ZBTB43: variants seen among roughly 807,000 people sequenced by gnomAD.
ZBTB43 encodes the protein zinc finger and BTB domain-containing protein 43.
ZBTB43 carries 6 observed loss-of-function variants against 31.1 expected under a neutral mutation model. The observed-to-expected ratio is 0.19, with a 90% CI of 0.11 to 0.38. The LOEUF (loss-of-function observed/expected upper bound fraction) is 0.38, where lower values mean the gene tolerates loss of function less well. Ranked by LOEUF, ZBTB43 falls within the 10% of genes least tolerant of loss-of-function variation. The pLI is 1.00. For synonymous variants in ZBTB43, 212 were observed against 221.7 expected (o/e 0.96, Z 0.39); for missense variants, 379 against 602.1 (o/e 0.63, Z 3.88).
At chr9:126,804,448 G>A (rs2032077822), upstream of ZBTB43, among the ~76,000 whole-genome samples, 1 of 152,058 alleles carries the variant, frequency 6.6e-6, no homozygotes, top group Admixed American at 6.5e-5. Flanking sequence ...TTTGTTTAGA[G>A]AAGAGACGGA....
At chr9:126,820,884 C>T (rs530361785) in intron 2 of ZBTB43, among the ~76,000 whole-genome samples, 175 of 145,406 alleles carry the variant, frequency 1.2e-3, no homozygotes, top group African/African-American at 4.3e-3. Flanking sequence ...GGGAGGATCA[C>T]GTGAGCCAGA....
At chr9:126,821,198 G>A (rs1303038690) in intron 2 of ZBTB43, among the ~76,000 whole-genome samples, 2 of 151,860 alleles carry the variant, frequency 1.3e-5, no homozygotes, top group African/African-American at 4.8e-5. Flanking sequence ...GTAAAACCCT[G>A]TCTCTACTAA....
intron 1 of ZBTB43, among the ~76,000 whole-genome samples, chr9:126,807,272 TTTAGAC>T (rs888791788): frequency 2.6e-5 from 4 of 152,252 alleles, no homozygotes; most frequent in Non-Finnish European, 5.9e-5. Context: ...TGAAAACACT[TTTAGAC>T]TTAGACACTA....
chr9:126,817,024 C>T (rs79568264), intron 2 of ZBTB43, among the ~76,000 whole-genome samples: 2,121 of 151,868 alleles, frequency 0.014, 53 homozygotes, highest in African/African-American at 0.049. Context: ...TTACTGATCC[C>T]GTCAGAATTG....
At position 126,837,060 on chromosome 9, in the gene ZBTB43, C is replaced by T. The variant is rs2032895022; in HGVS notation, c.*3147C>T. Reference sequence around the variant, plus strand: ...CGGAGGTTGCAGTGAGCCGCGATTGCACCACCACACTCCAGCCTGCGCGAC... The same window carrying T: ...CGGAGGTTGCAGTGAGCCGCGATTGTACCACCACACTCCAGCCTGCGCGAC... On this transcript the variant is annotated 3_prime_UTR_variant, in exon 3 of 3. Coordinates refer to ENST00000373464, the MANE Select transcript of ZBTB43 (RefSeq NM_014007.4). 6.3e-6 allele frequency: 1 copy of T among 159,548 alleles called. No homozygotes were observed. The allele number at this position is 159,548 out of a possible 1,614,324, so 9.9% of individuals were successfully genotyped here.
At chr9:126,828,645 A>ATTATTATTATT (rs1564206207) in intron 2 of ZBTB43, among the ~76,000 whole-genome samples, 339 of 131,472 alleles carry the variant, frequency 2.6e-3, no homozygotes, top group African/African-American at 0.011. Flanking sequence ...TAATAATAAT[A>ATTATTATTATT]ATAATAATAA....
chr9:126,814,560 G>A (rs185241474), intron 2 of ZBTB43, among the ~76,000 whole-genome samples: 4 of 152,068 alleles, frequency 2.6e-5, no homozygotes, highest in Admixed American at 2.0e-4. Context: ...TTGGGAGGCC[G>A]AGGTGGGCAG....
At chr9:126,805,380 G>A (rs1004823661) in intron 1 of ZBTB43, among the ~76,000 whole-genome samples, 1 of 152,228 alleles carries the variant, frequency 6.6e-6, no homozygotes, top group African/African-American at 2.4e-5. Context: ...TCTCGCCCAA[G>A]GTCACCCTCG....
rs1564202350 is a variant in ZBTB43 at position 126,818,296 on chromosome 9, A to AT, written c.-24+9381_-24+9382insT. On this transcript the variant is annotated intron_variant, in intron 2 of 2. Transcript: ENST00000373464. ...CACCACTATTCCTGGCTAATTAAAA[A>AT]ATATATATATATATATATTTAGAAA... Among the ~76,000 whole-genome samples, 9 of 146,918 alleles carry AT rather than the reference A, an allele frequency of 6.1e-5. No homozygotes were observed. The South Asian group carries it at 8.6e-4, about 14-fold the overall frequency.
intron 2 of ZBTB43, among the ~76,000 whole-genome samples, chr9:126,816,045 C>T (rs982553876): frequency 6.6e-5 from 10 of 152,010 alleles, no homozygotes; most frequent in Admixed American, 5.9e-4. Flanking sequence ...TTAATTTGTC[C>T]CCACTACTGA....
intron 1 of ZBTB43, among the ~76,000 whole-genome samples, chr9:126,806,604 ATTACTTAAAATTGT>A (rs2032132180): frequency 1.3e-5 from 2 of 152,232 alleles, no homozygotes; most frequent in Non-Finnish European, 2.9e-5. Context: ...GACTCTTAAA[ATTACTTAAAATTGT>A]TAAGTCTTAA....
At position 126,833,551 on chromosome 9, in the gene ZBTB43, A is replaced by G; in HGVS notation, c.1042A>G (p.Ser348Gly). Residue 348 changes from serine (S) to glycine (G), a missense_variant, in exon 3 of 3, where the codon AGT becomes GGT. Physicochemically the swap from Ser to Gly is moderately conservative, Grantham distance 56 (BLOSUM62 0). This residue lies in a region of ZBTB43 where 253 missense variants were observed against 322.3 expected (regional missense o/e 0.79). Coordinates refer to ENST00000373464, the MANE Select transcript of ZBTB43 (RefSeq NM_014007.4). The surrounding 1 kb of genome is among the most constrained non-coding windows in gnomAD (Gnocchi z 7.9). Reference sequence around the variant, plus strand: ...GGAGGCTGCCCTCGCAGCAGGTTACAGTGAGAATATTGAAATGGTAACAGG... The same window carrying G: ...GGAGGCTGCCCTCGCAGCAGGTTACGGTGAGAATATTGAAATGGTAACAGG... ...RQEAALAAGY[S>G]ENIEMVTGIK... is the part of the protein sequence containing the mutation. 1 of 1,614,156 alleles carries G rather than the reference A, an allele frequency of 6.2e-7. No homozygotes were observed. Among genetic ancestry groups the G allele is most frequent in the Non-Finnish European group, 8.5e-7 (1 of 1,179,992 alleles).
At chr9:126,829,223 G>A (rs1451039822) in intron 2 of ZBTB43, among the ~76,000 whole-genome samples, 2 of 152,182 alleles carry the variant, frequency 1.3e-5, no homozygotes, top group Non-Finnish European at 2.9e-5. Flanking sequence ...GGCTGAGGCA[G>A]AAGGATTGCT....
intron 2 of ZBTB43, among the ~76,000 whole-genome samples, chr9:126,811,079 G>C (rs1180074063): frequency 2.6e-5 from 4 of 151,562 alleles, no homozygotes; most frequent in Non-Finnish European, 4.4e-5. Context: ...AAAATTAGCT[G>C]GGCGTGGTGT....
intron 2 of ZBTB43, among the ~76,000 whole-genome samples, chr9:126,818,940 GTTC>G (rs1248935197): frequency 2.0e-5 from 3 of 152,192 alleles, no homozygotes; most frequent in Non-Finnish European, 4.4e-5. Context: ...ATTGGTGTCA[GTTC>G]TTCTTTAAAT....
chr9:126,828,044 C>T (rs1019479824), intron 2 of ZBTB43, among the ~76,000 whole-genome samples: 1 of 151,992 alleles, frequency 6.6e-6, no homozygotes, highest in African/African-American at 2.4e-5. Context: ...CACAAAGATA[C>T]TTGCACTTTA....
chr9:126,833,445 T>C lies in ZBTB43; in HGVS notation c.936T>C (p.Asp312=). The C allele has an allele frequency of 3.1e-6, 5 of 1,614,114 alleles. No individual in the cohort carries two copies. The highest frequency in any genetic ancestry group is 4.2e-6 in the Non-Finnish European group (5 of 1,180,022). The change falls in exon 3 of 3, where the codon GAT becomes GAC. Residue 312 remains aspartate, a synonymous_variant. Coordinates refer to ENST00000373464, the MANE Select transcript of ZBTB43 (RefSeq NM_014007.4). This position sits in a 1 kb window ranked among gnomAD's most constrained non-coding sequence, Gnocchi z 7.9. Reference sequence around the variant, plus strand: ...AACAGGCTGATGAAAGCAATTATGATGAGCAGGTGGATTTCTATGGCTCTT... The same window carrying C: ...AACAGGCTGATGAAAGCAATTATGACGAGCAGGTGGATTTCTATGGCTCTT... The part of the protein sequence containing the change: ...FDEQADESNY[D]EQVDFYGSSM...
intron 2 of ZBTB43, among the ~76,000 whole-genome samples, chr9:126,816,216 T>A (rs991748462): frequency 1.3e-5 from 2 of 152,188 alleles, no homozygotes; most frequent in African/African-American, 2.4e-5. Context: ...TCATCTTCTC[T>A]CTCGCTGTTT....
chr9:126,807,445 T>C (rs2119102933), intron 1 of ZBTB43, among the ~76,000 whole-genome samples: 1 of 152,308 alleles, frequency 6.6e-6, no homozygotes, highest in Admixed American at 6.5e-5. Flanking sequence ...TGTCATCCTT[T>C]GTGTCATCAA....
Sources: allele counts gnomAD v4.1 joint callset (sites outside exome capture counted in the v4.1 genomes callset), GRCh38; gene constraint gnomAD v4.1.1; regional missense constraint gnomAD v4.1.1; non-coding constraint Gnocchi (gnomAD v3.1); transcripts MANE v1.5; gene names NCBI Gene and HGNC (gene_info 2026-07-23, HGNC 2026-07-21).